The following IPO5 variants were observed in gnomAD, a reference collection of about 807,000 sequenced individuals.
IPO5 encodes importin 5.
IPO5 carries 18 observed loss-of-function variants against 143.3 expected under a neutral mutation model. That is an observed-to-expected ratio of 0.13 (90% CI 0.09 to 0.19). The LOEUF (loss-of-function observed/expected upper bound fraction) is 0.19, where lower values mean the gene tolerates loss of function less well. Ranked by LOEUF, IPO5 falls within the 10% of genes least tolerant of loss-of-function variation. IPO5 has a pLI of 1.00. For synonymous variants in IPO5, 477 were observed against 465.7 expected (o/e 1.02, Z -0.31); for missense variants, 1,013 against 1,336.9 (o/e 0.76, Z 3.78).
At chr13:98,021,629 C>A in intron 28 of IPO5, 107 bp from the exon 29 acceptor site, 1 of 518,212 alleles carries the variant, frequency 1.9e-6, no homozygotes, top group Non-Finnish European at 3.4e-6. Flanking sequence ...AATAATGTAC[C>A]TAGGGAGAAG....
In IPO5 at chr13:97,992,929, T is replaced by C; in HGVS notation, c.707T>C (p.Val236Ala). ...TCGTGCTACCAGAATGATGATTCTGTCCTAAAATCCCTCGTTGAGATTGCA... is the reference window on the plus strand; with the variant it reads ...TCGTGCTACCAGAATGATGATTCTGCCCTAAAATCCCTCGTTGAGATTGCA... The part of the protein sequence containing the change: ...NDSCYQNDDS[V>A]LKSLVEIADT... The change falls in exon 10 of 29, where the codon GTC (valine) becomes GCC (alanine). Residue 236 changes from valine (V) to alanine (A), a missense_variant. Coordinates refer to ENST00000651721, the MANE Select transcript of IPO5 (RefSeq NM_002271.6). 1 of 1,613,780 alleles carries C rather than the reference T, an allele frequency of 6.2e-7. No homozygotes were observed. Among genetic ancestry groups the C allele is most frequent in the Non-Finnish European group, 8.5e-7 (1 of 1,179,690 alleles).
chr13:98,000,535 T>G lies in IPO5; in HGVS notation c.1002-4T>G. ...TGAGTACATAATTCTGTTTATGTGT[T>G]TAGCAATGCAGTTGCAGGCGAGAGT... On this transcript the variant is annotated splice_polypyrimidine_tract_variant and splice_region_variant and intron_variant, in intron 12 of 28. Coordinates refer to ENST00000651721, the MANE Select transcript of IPO5 (RefSeq NM_002271.6). 1 of 1,602,422 alleles carries G rather than the reference T, an allele frequency of 6.2e-7. No homozygotes were observed. Among genetic ancestry groups the G allele is most frequent in the Non-Finnish European group, 8.6e-7 (1 of 1,169,390 alleles).
At chr13:97,995,211 A>G (rs956652022) in intron 11 of IPO5, among the ~76,000 whole-genome samples, 1 of 94,052 alleles carries the variant, frequency 1.1e-5, no homozygotes, top group African/African-American at 3.8e-5. Context: ...TAATAGGTTT[A>G]TGGGGAACAG....
In IPO5 at chr13:97,996,998, A is replaced by G. The variant is rs921603893; in HGVS notation, c.914-533A>G. 1.6e-4 allele frequency among the ~76,000 whole-genome samples: 25 copies of G among 152,194 alleles called. 1 individual carries two copies. The highest frequency in any genetic ancestry group is 5.3e-4 in the African/African-American group (22 of 41,454). ...TAATAATCTCATCAAAGCAAATTTT[A>G]TAGGAGGAAAAAATTGGAAACAACC... On this transcript the variant is annotated intron_variant, in intron 11 of 28. Coordinates refer to ENST00000651721, the MANE Select transcript of IPO5 (RefSeq NM_002271.6).
intron 2 of IPO5, among the ~76,000 whole-genome samples, chr13:97,960,567 T>C (rs1268112085): frequency 1.3e-5 from 2 of 151,784 alleles, no homozygotes; most frequent in African/African-American, 2.4e-5. Context: ...TTTGGTTTTT[T>C]TTTTTTTTGA....
intron 6 of IPO5, 51 bp from the exon 7 acceptor site, chr13:97,989,011 T>C: frequency 1.0e-6 from 1 of 966,598 alleles, no homozygotes; most frequent in South Asian, 1.3e-5. Context: ...ACTCCTAGTA[T>C]ATTGAAGTTC....
intron 2 of IPO5, among the ~76,000 whole-genome samples, chr13:97,957,489 C>G (rs1026967034): frequency 2.2e-4 from 34 of 152,140 alleles, no homozygotes; most frequent in African/African-American, 8.2e-4. Flanking sequence ...AGCCACCGCA[C>G]TCAGCCTGAT....
intron 16 of IPO5, among the ~76,000 whole-genome samples, chr13:98,005,852 A>G (rs1889194527): frequency 6.6e-6 from 1 of 152,174 alleles, no homozygotes. Flanking sequence ...TTGATTCCGT[A>G]TCTGTACTCA....
intron 5 of IPO5, among the ~76,000 whole-genome samples, chr13:97,983,164 C>G (rs1299390958): frequency 1.3e-5 from 2 of 152,208 alleles, no homozygotes; most frequent in African/African-American, 4.8e-5. Flanking sequence ...AGCCGCCACG[C>G]CCAGCCTAAT....
intron 3 of IPO5, among the ~76,000 whole-genome samples, chr13:97,971,786 A>G (rs1885846052): frequency 6.6e-6 from 1 of 152,150 alleles, no homozygotes; most frequent in Non-Finnish European, 1.5e-5. Context: ...CCATCTCTAA[A>G]AAAACAAACA....
At chr13:97,983,769 G>A (rs1453638602) in intron 5 of IPO5, among the ~76,000 whole-genome samples, 1 of 151,612 alleles carries the variant, frequency 6.6e-6, no homozygotes, top group Non-Finnish European at 1.5e-5. Flanking sequence ...TTTACATTAT[G>A]TTTCACCTGA....
chr13:98,002,766 A>G lies in IPO5; in HGVS notation c.1316A>G (p.His439Arg), dbSNP rs530239234. 6.2e-7 allele frequency: 1 copy of G among 1,610,304 alleles called. No homozygotes were observed. Among genetic ancestry groups the G allele is most frequent in the Non-Finnish European group, 8.5e-7 (1 of 1,178,512 alleles). The change falls in exon 15 of 29, where the codon CAT (histidine) becomes CGT (arginine). Residue 439 changes from histidine (H) to arginine (R), a missense_variant. This residue lies in a region of IPO5 where 685 missense variants were observed against 994.9 expected (regional missense o/e 0.69). Coordinates refer to ENST00000651721, the MANE Select transcript of IPO5 (RefSeq NM_002271.6). ...DFAPGFQKKFHEKVIAALLQT... is the reference protein window; with the variant it reads ...DFAPGFQKKFREKVIAALLQT... ...GCACCTGGTTTCCAAAAGAAATTTC[A>G]TGAGAAGGTAAGTAACAAGTCCTCA...
chr13:98,017,377 G>A (rs1012208853), intron 25 of IPO5, among the ~76,000 whole-genome samples: 6 of 151,812 alleles, frequency 4.0e-5, no homozygotes, highest in African/African-American at 1.5e-4. Flanking sequence ...CTGTCGCCCA[G>A]GCTGGAGTGC....
intron 16 of IPO5, 147 bp downstream of exon 16, chr13:98,003,184 A>G: frequency 1.5e-6 from 1 of 683,480 alleles, no homozygotes; most frequent in Non-Finnish European, 2.5e-6. Context: ...GAGTTGTGGA[A>G]TGATGAGTAG....
intron 4 of IPO5, among the ~76,000 whole-genome samples, chr13:97,978,168 T>A (rs1886541071): frequency 6.6e-6 from 1 of 152,234 alleles, no homozygotes; most frequent in African/African-American, 2.4e-5. Flanking sequence ...AGTGAATCGT[T>A]TCTTATCCCG....
chr13:97,987,963 A>T, intron 6 of IPO5: 1 of 271,484 alleles, frequency 3.7e-6, no homozygotes, highest in Admixed American at 3.7e-5. Context: ...TTTTTTTTTT[A>T]AGCTGCTATT....
chr13:98,015,337 A>G (rs1329890140), intron 22 of IPO5, among the ~76,000 whole-genome samples, 193 bp from the exon 23 acceptor site: 3 of 151,962 alleles, frequency 2.0e-5, no homozygotes, highest in Non-Finnish European at 4.4e-5. Flanking sequence ...AGTAGTGTTC[A>G]AAAGAAAATA....
intron 28 of IPO5, chr13:98,021,531 C>T (rs1395140128): frequency 2.5e-6 from 1 of 405,376 alleles, no homozygotes; most frequent in Non-Finnish European, 4.4e-6. Flanking sequence ...GTAGCTTTTT[C>T]AGTGCAAAAA....
intron 3 of IPO5, among the ~76,000 whole-genome samples, chr13:97,972,261 T>C (rs1885885460): frequency 6.6e-6 from 1 of 152,160 alleles, no homozygotes; most frequent in Non-Finnish European, 1.5e-5. Flanking sequence ...CAAAACCAAA[T>C]TCTATCCCAG....
Sources: gnomAD v4.1 joint callset for allele counts (sites outside exome capture counted in the v4.1 genomes callset) on GRCh38, gnomAD v4.1.1 for gene constraint, gnomAD v4.1.1 regional missense constraint, MANE v1.5 for transcripts, NCBI Gene and HGNC (gene_info 2026-07-23, HGNC 2026-07-21) for gene names.